The following GLI2 variants were observed in gnomAD, a reference collection of about 807,000 sequenced individuals.
GLI2 encodes GLI family zinc finger 2, also known as transcription activator GLI2.
Under a neutral mutation model 78.9 loss-of-function variants are expected in GLI2, and 22 were observed. The observed-to-expected ratio is 0.28, with a 90% CI of 0.20 to 0.40. The LOEUF is 0.40. Ranked by LOEUF, GLI2 falls within the 10% of genes least tolerant of loss-of-function variation. The pLI is 1.00. For synonymous variants in GLI2, 974 were observed against 963.7 expected, an observed-to-expected ratio of 1.01 and a Z score of -0.20; for missense variants, 2,097 against 2,213.2, an observed-to-expected ratio of 0.95 and a Z score of 1.05.
intron 9 of GLI2, among the ~76,000 whole-genome samples, chr2:120,977,195 A>G (rs1346720849): frequency 6.6e-6 from 1 of 152,180 alleles, no homozygotes; most frequent in Non-Finnish European, 1.5e-5. Flanking sequence ...TTGGTGGCAG[A>G]GTTCCACAGC....
intron 2 of GLI2, among the ~76,000 whole-genome samples, chr2:120,852,289 G>A (rs571823484): frequency 6.6e-6 from 1 of 152,318 alleles, no homozygotes; most frequent in Admixed American, 6.5e-5. Context: ...GAGACGGATG[G>A]GCAGAGAGTC....
intron 2 of GLI2, among the ~76,000 whole-genome samples, chr2:120,845,582 G>GTGC (rs1687077679): frequency 6.6e-6 from 1 of 152,168 alleles, no homozygotes; most frequent in African/African-American, 2.4e-5. Flanking sequence ...GACTGGAGAG[G>GTGC]TGCTCCCTGG....
In GLI2 at chr2:120,951,395, GC is replaced by G; in HGVS notation, c.411del (p.Thr138ArgfsTer4). On this transcript the variant is annotated frameshift_variant, in exon 4 of 14. Coordinates refer to ENST00000361492, the MANE Select transcript of GLI2 (RefSeq NM_001374353.1). LOFTEE classifies it high-confidence loss of function. Reference protein sequence around the residue: ...MEHYLRSVHSSPTLSMISAAR... With the variant: ...MEHYLRSVHSXPTLSMISAAR... ...CACTACCTCCGTTCTGTGCACAGCAGCCCCACGCTCTCCATGATCTCTGCAG... is the reference window on the plus strand; with the variant it reads ...CACTACCTCCGTTCTGTGCACAGCAGCCCACGCTCTCCATGATCTCTGCAG... 6.2e-7 allele frequency: 1 copy of G among 1,613,470 alleles called. No homozygotes were observed. Among genetic ancestry groups the G allele is most frequent in the Non-Finnish European group, 8.5e-7 (1 of 1,179,538 alleles).
At chr2:120,821,830 C>A (rs542324517) in intron 2 of GLI2, among the ~76,000 whole-genome samples, 10 of 152,324 alleles carry the variant, frequency 6.6e-5, no homozygotes, top group Non-Finnish European at 1.5e-4. Context: ...AGGCTCTTCA[C>A]CAGGGCCGCC....
chr2:120,742,701 A>AGAGAAAAAT (rs1379785181), intron 1 of GLI2, among the ~76,000 whole-genome samples: 7 of 138,802 alleles, frequency 5.0e-5, no homozygotes, highest in Non-Finnish European at 1.1e-4. Flanking sequence ...AAAGAGGGAA[A>AGAGAAAAAT]GAGAAAAATC....
intron 2 of GLI2, among the ~76,000 whole-genome samples, chr2:120,912,909 A>G (rs1244993650): frequency 2.0e-5 from 3 of 152,144 alleles, no homozygotes; most frequent in African/African-American, 7.2e-5. Flanking sequence ...GCACAGGCTG[A>G]CTTAATCCCT....
At chr2:120,854,103 A>T (rs1687535066) in intron 2 of GLI2, among the ~76,000 whole-genome samples, 1 of 152,234 alleles carries the variant, frequency 6.6e-6, no homozygotes. Context: ...TTCTGGTGGA[A>T]AAAAACCAGC....
Position 120,970,394 on chromosome 2 carries a change from C to G in GLI2, c.847C>G (p.Pro283Ala), listed in dbSNP as rs1682084238. The change falls in exon 7 of 14, where the codon CCA becomes GCA. Residue 283 changes from proline (P) to alanine (A), a missense_variant and splice_region_variant. By Grantham distance (27) the Pro-to-Ala change is conservative (BLOSUM62 -1). Around this residue, in one of 5 missense-constraint regions of GLI2, gnomAD observed 578 missense variants for 612.0 expected, o/e 0.94. Coordinates refer to ENST00000361492, the MANE Select transcript of GLI2 (RefSeq NM_001374353.1). ...TTCCTTGTCTGCTCTCTGTTGCAGC[C>G]CAGCCTTCACCTTCCCCCACCCCAT... is the stretch of plus-strand genomic sequence containing the variant. Reference protein sequence around the residue: ...YGHLSAGALSPAFTFPHPINP... With the variant: ...YGHLSAGALSAAFTFPHPINP... 4.4e-6 allele frequency: 7 copies of G among 1,601,608 alleles called. No homozygotes were observed. The highest frequency in any genetic ancestry group is 6.0e-6 in the Non-Finnish European group (7 of 1,168,686).
chr2:120,858,957 C>G (rs1687780365), intron 2 of GLI2, among the ~76,000 whole-genome samples: 2 of 152,226 alleles, frequency 1.3e-5, no homozygotes, highest in Non-Finnish European at 2.9e-5. Context: ...TTGGGCAGGA[C>G]CGGAGCGTTC....
In GLI2 at chr2:120,800,707, T is replaced by C. The variant is rs1237738322; in HGVS notation, c.148+3239T>C. ...TTTTTTAGTAGAGATGGGGTTTCAC[T>C]GTGTTAGCCAGGATGGTCTCAATCT... On this transcript the variant is annotated intron_variant, in intron 2 of 13. Coordinates refer to ENST00000361492, the MANE Select transcript of GLI2 (RefSeq NM_001374353.1). This position sits in a 1 kb window ranked among gnomAD's most constrained non-coding sequence, Gnocchi z 4.1. Among the ~76,000 whole-genome samples, 1 of 151,886 alleles carries C rather than the reference T, an allele frequency of 6.6e-6. No individual in the cohort carries two copies. The highest frequency in any genetic ancestry group is 2.0e-4 in the East Asian group (1 of 5,118).
chr2:120,868,244 G>T (rs1440301204), intron 2 of GLI2, among the ~76,000 whole-genome samples: 1 of 152,210 alleles, frequency 6.6e-6, no homozygotes, highest in Non-Finnish European at 1.5e-5. Context: ...AAAAACATGT[G>T]TGTGTTAAAA....
chr2:120,924,649 T>C (rs1186614488), intron 2 of GLI2, among the ~76,000 whole-genome samples: 2 of 152,190 alleles, frequency 1.3e-5, no homozygotes, highest in African/African-American at 4.8e-5. Context: ...TTCTACACAT[T>C]TGGGAAAGCG....
intron 2 of GLI2, among the ~76,000 whole-genome samples, chr2:120,810,009 G>A (rs922848498): frequency 1.9e-4 from 29 of 152,348 alleles, no homozygotes; most frequent in African/African-American, 7.0e-4. Flanking sequence ...AGCATTTCAG[G>A]GTGACCCTGC....
At position 120,972,011 on chromosome 2, in the gene GLI2, T is replaced by G; in HGVS notation, c.1130T>G (p.Val377Gly). ...NPVAIHKRSK[V>G]KTEPEGLRPA... ...GTCGCCATTCACAAGCGCAGCAAGG[T>G]CAAGACCGAGCCTGAGGGCCTGCGG... The change falls in exon 8 of 14, where the codon GTC becomes GGC. Residue 377 changes from valine to glycine, a missense_variant. Coordinates refer to ENST00000361492, the MANE Select transcript of GLI2 (RefSeq NM_001374353.1). The G allele has an allele frequency of 6.2e-7, 1 of 1,613,566 alleles. No homozygotes were observed. The highest frequency in any genetic ancestry group is 8.5e-7 in the Non-Finnish European group (1 of 1,179,968).
At chr2:120,985,671 G>A (rs1448390976) in intron 12 of GLI2, among the ~76,000 whole-genome samples, 3 of 152,202 alleles carry the variant, frequency 2.0e-5, no homozygotes, top group East Asian at 1.9e-4. Context: ...GCCCAGATCC[G>A]AGTTCTGTGG....
At chr2:120,897,231 T>G (rs1424131288) in intron 2 of GLI2, among the ~76,000 whole-genome samples, 1 of 152,228 alleles carries the variant, frequency 6.6e-6, no homozygotes, top group East Asian at 1.9e-4. Flanking sequence ...TGACTTCCTG[T>G]TAGGGGAACG....
chr2:120,823,256 C>T (rs1205865768), intron 2 of GLI2, among the ~76,000 whole-genome samples: 1 of 152,172 alleles, frequency 6.6e-6, no homozygotes, highest in Non-Finnish European at 1.5e-5. Context: ...TGGGAAGCTG[C>T]CCCCGGTGTG....
intron 2 of GLI2, among the ~76,000 whole-genome samples, chr2:120,825,636 G>A (rs570586991): frequency 1.1e-4 from 16 of 152,026 alleles, no homozygotes; most frequent in Admixed American, 5.2e-4. Context: ...GACTGTGAGC[G>A]TGCACCGGAC....
At chr2:120,960,775 C>T (rs761724721) in intron 5 of GLI2, among the ~76,000 whole-genome samples, 6 of 152,244 alleles carry the variant, frequency 3.9e-5, no homozygotes, top group Non-Finnish European at 7.3e-5. Flanking sequence ...GCCCTGCGTT[C>T]CTCCCAGGGC....
Sources: allele counts gnomAD v4.1 joint callset (sites outside exome capture counted in the v4.1 genomes callset), GRCh38; gene constraint gnomAD v4.1.1; regional missense constraint gnomAD v4.1.1; non-coding constraint Gnocchi (gnomAD v3.1); transcripts MANE v1.5; gene names NCBI Gene and HGNC (gene_info 2026-07-23, HGNC 2026-07-21).